The following NRG1 variants were observed in gnomAD, a reference collection of about 807,000 sequenced individuals.
NRG1 encodes the protein neuregulin 1.
NRG1 carries 18 observed loss-of-function variants against 63.8 expected under a neutral mutation model. The observed-to-expected ratio is 0.28, with a 90% CI of 0.19 to 0.42. The LOEUF (loss-of-function observed/expected upper bound fraction) is 0.42. NRG1 is among the 10% of genes least tolerant of loss of function. NRG1 has a pLI of 1.00. For synonymous variants in NRG1, 302 were observed against 301.3 expected (o/e 1.00, Z -0.02); for missense variants, 762 against 814.7 (o/e 0.94, Z 0.79).
At chr8:32,557,299 G>A (rs1327707877) in intron 1 of NRG1, among the ~76,000 whole-genome samples, 9 of 152,110 alleles carry the variant, frequency 5.9e-5, no homozygotes, top group Admixed American at 6.5e-5. Flanking sequence ...GAGCCACTGC[G>A]CCCAGCAAGT....
intron 1 of NRG1, among the ~76,000 whole-genome samples, chr8:32,268,567 A>ATG (rs144225840): frequency 2.7e-4 from 41 of 152,088 alleles, no homozygotes; most frequent in Middle Eastern, 3.4e-3. Flanking sequence ...TAGCATGTGC[A>ATG]TGTGTGTGTG....
intron 1 of NRG1, among the ~76,000 whole-genome samples, chr8:32,295,688 C>T (rs375329754): frequency 2.0e-5 from 3 of 152,042 alleles, no homozygotes; most frequent in African/African-American, 7.2e-5. Context: ...CAGTGGCTCA[C>T]GCCTGTAATC....
At chr8:31,833,248 G>T (rs1195928875) in intron 1 of NRG1, among the ~76,000 whole-genome samples, 1 of 152,140 alleles carries the variant, frequency 6.6e-6, no homozygotes, top group Non-Finnish European at 1.5e-5. Flanking sequence ...TTACACAAAG[G>T]CTATGTTGAT....
intron 5 of NRG1, among the ~76,000 whole-genome samples, chr8:32,672,352 C>T (rs1392429472): frequency 6.6e-6 from 1 of 151,996 alleles, no homozygotes; most frequent in East Asian, 1.9e-4. Flanking sequence ...CCTTCATCTT[C>T]TACTTTTTTT....
At chr8:32,768,249 G>C (rs1235988500), downstream of NRG1, among the ~76,000 whole-genome samples, 1 of 152,174 alleles carries the variant, frequency 6.6e-6, no homozygotes, top group Non-Finnish European at 1.5e-5. Context: ...GAATATTCTA[G>C]GGCATGACTG....
At chr8:32,706,113 G>A (rs1427133733) in intron 5 of NRG1, among the ~76,000 whole-genome samples, 1 of 152,160 alleles carries the variant, frequency 6.6e-6, no homozygotes, top group African/African-American at 2.4e-5. Flanking sequence ...TCCAAACTCA[G>A]GTTTAGATGC....
intron 5 of NRG1, among the ~76,000 whole-genome samples, chr8:32,686,435 T>C (rs1468760362): frequency 2.0e-5 from 3 of 152,172 alleles, no homozygotes; most frequent in Non-Finnish European, 4.4e-5. Flanking sequence ...GACAGCTAAA[T>C]GAGATCTTTG....
At chr8:31,762,370 T>A (rs1277591268) in intron 1 of NRG1, among the ~76,000 whole-genome samples, 1 of 152,270 alleles carries the variant, frequency 6.6e-6, no homozygotes, top group Non-Finnish European at 1.5e-5. Context: ...GCAGAAGACA[T>A]TATCTCATTC....
At chr8:32,257,807 G>T (rs983648177) in intron 1 of NRG1, among the ~76,000 whole-genome samples, 7 of 152,136 alleles carry the variant, frequency 4.6e-5, no homozygotes, top group African/African-American at 1.7e-4. Context: ...TTCTAAAAGT[G>T]ATTTAAAACT....
At chr8:31,822,793 A>G (rs1300382212) in intron 1 of NRG1, among the ~76,000 whole-genome samples, 1 of 152,222 alleles carries the variant, frequency 6.6e-6, no homozygotes, top group African/African-American at 2.4e-5. Flanking sequence ...TTTTGCAAAT[A>G]GAAACAGTCT....
At chr8:32,441,108 G>A (rs1031486053) in intron 1 of NRG1, 3 of 152,042 alleles carry the variant, frequency 2.0e-5, no homozygotes, top group African/African-American at 4.8e-5. Context: ...TTTAGATATT[G>A]GTATTAAATA....
At chr8:32,602,788 C>A (rs1844599985) in intron 2 of NRG1, among the ~76,000 whole-genome samples, 1 of 151,994 alleles carries the variant, frequency 6.6e-6, no homozygotes, top group African/African-American at 2.4e-5. Flanking sequence ...CAGTGCTTAT[C>A]CATTTTTTTC....
intron 1 of NRG1, among the ~76,000 whole-genome samples, chr8:31,766,271 G>A (rs1418070727): frequency 1.3e-5 from 2 of 152,074 alleles, no homozygotes; most frequent in Non-Finnish European, 2.9e-5. Flanking sequence ...AACCTACCAC[G>A]TTAAAAAAGA....
chr8:32,532,423 G>A (rs1831543949), intron 1 of NRG1, among the ~76,000 whole-genome samples: 2 of 152,066 alleles, frequency 1.3e-5, no homozygotes, highest in African/African-American at 4.8e-5. Flanking sequence ...TATCAGAAAT[G>A]AAAATGACAC....
chr8:32,005,015 GAAGAA>G (rs991529555), intron 1 of NRG1, among the ~76,000 whole-genome samples: 8 of 150,508 alleles, frequency 5.3e-5, no homozygotes, highest in East Asian at 3.9e-4. Context: ...CCAATGAAAG[GAAGAA>G]AAGAAAAGAA....
chr8:32,478,715 A>G (rs1341828807), intron 1 of NRG1, among the ~76,000 whole-genome samples: 1 of 152,222 alleles, frequency 6.6e-6, no homozygotes, highest in African/African-American at 2.4e-5. Context: ...GGAGAAGGTA[A>G]TCGAGAGCCA....
At chr8:31,948,332 G>T (rs2129622440) in intron 1 of NRG1, among the ~76,000 whole-genome samples, 1 of 152,288 alleles carries the variant, frequency 6.6e-6, no homozygotes, top group African/African-American at 2.4e-5. Context: ...GAAGGAAAAT[G>T]GATAGGGGAG....
chr8:31,974,318 C>T (rs1193879545), intron 1 of NRG1, among the ~76,000 whole-genome samples: 2 of 151,974 alleles, frequency 1.3e-5, no homozygotes, highest in Admixed American at 6.6e-5. Flanking sequence ...GGTGCACTAC[C>T]CTGCCTGGCT....
At chr8:32,499,675 AAAATAAAT>A (rs748670951) in intron 1 of NRG1, among the ~76,000 whole-genome samples, 1 of 152,136 alleles carries the variant, frequency 6.6e-6, no homozygotes, top group Non-Finnish European at 1.5e-5. Context: ...TCCTGTCTTA[AAAATAAAT>A]AAATAAATAA....
Sources: gnomAD v4.1 joint callset for allele counts (sites outside exome capture counted in the v4.1 genomes callset) on GRCh38, gnomAD v4.1.1 for gene constraint, MANE v1.5 for transcripts, NCBI Gene and HGNC (gene_info 2026-07-23, HGNC 2026-07-21) for gene names.